MACROD1: variants seen among roughly 807,000 people sequenced by gnomAD.
MACROD1 encodes ADP-ribose glycohydrolase MACROD1.
In MACROD1, 31 loss-of-function variants were observed where a neutral mutation model predicts 41.4. That is an observed-to-expected ratio of 0.75 (90% CI 0.56 to 1.01). The LOEUF (loss-of-function observed/expected upper bound fraction) is 1.01, where lower values mean the gene tolerates loss of function less well. Among genes scored for constraint, MACROD1 ranks in the 50% least tolerant of loss-of-function variants. The pLI, the probability that MACROD1 is intolerant of heterozygous loss-of-function variation, is 0.00. For synonymous variants in MACROD1, 252 were observed against 203.4 expected, an observed-to-expected ratio of 1.24 and a Z score of -2.03; for missense variants, 473 against 460.0, an observed-to-expected ratio of 1.03 and a Z score of -0.26.
intron 4 of MACROD1, among the ~76,000 whole-genome samples, chr11:64,011,723 G>T (rs555658243): frequency 6.6e-6 from 1 of 151,200 alleles, no homozygotes; most frequent in South Asian, 2.1e-4. Context: ...AGGCAGGATG[G>T]CCCTTGTGCG....
intron 8 of MACROD1, 113 bp downstream of exon 8, chr11:63,999,214 GGGAA>G: frequency 6.4e-6 from 9 of 1,404,268 alleles, no homozygotes; most frequent in Non-Finnish European, 8.7e-6. Flanking sequence ...AGGAGAAACA[GGGAA>G]GGAAGGGGCG....
intron 3 of MACROD1, among the ~76,000 whole-genome samples, chr11:64,050,166 C>T (rs901633237): frequency 6.6e-6 from 1 of 152,130 alleles, no homozygotes; most frequent in Non-Finnish European, 1.5e-5. Context: ...CTGCCACTCC[C>T]ACCTCTCCCT....
At chr11:64,050,302 G>A (rs1002412995) in intron 3 of MACROD1, among the ~76,000 whole-genome samples, 1 of 152,084 alleles carries the variant, frequency 6.6e-6, no homozygotes, top group Non-Finnish European at 1.5e-5. Context: ...CAGCTACCAC[G>A]AGGCCCAGAG....
intron 3 of MACROD1, among the ~76,000 whole-genome samples, chr11:64,139,798 T>C (rs1945384898): frequency 1.3e-5 from 2 of 151,540 alleles, no homozygotes; most frequent in African/African-American, 4.9e-5. Flanking sequence ...CTACTAAAAA[T>C]ACAAAAAATT....
chr11:64,031,803 T>C (rs1943299317), intron 3 of MACROD1, among the ~76,000 whole-genome samples: 1 of 152,220 alleles, frequency 6.6e-6, no homozygotes, highest in African/African-American at 2.4e-5. Context: ...TGATGTGTGC[T>C]GGCCTGGTGT....
chr11:64,101,870 C>T (rs1944676864), intron 3 of MACROD1, among the ~76,000 whole-genome samples: 1 of 152,032 alleles, frequency 6.6e-6, no homozygotes, highest in African/African-American at 2.4e-5. Context: ...CAGCTTGTCC[C>T]AAGAAAACTC....
intron 3 of MACROD1, among the ~76,000 whole-genome samples, chr11:64,150,710 T>C (rs949375319): frequency 1.8e-4 from 28 of 152,042 alleles, no homozygotes; most frequent in Non-Finnish European, 3.4e-4. Flanking sequence ...CCGGCTCCCA[T>C]ACTCATCACA....
chr11:64,041,858 G>A (rs1943493538), intron 3 of MACROD1, among the ~76,000 whole-genome samples: 1 of 152,208 alleles, frequency 6.6e-6, no homozygotes. Flanking sequence ...AGAGGGTCAC[G>A]GGAGTTTCAC....
In MACROD1 at chr11:64,084,201, A is replaced by G. The variant is rs915627554; in HGVS notation, c.517+67038T>C. On this transcript the variant is annotated intron_variant, in intron 3 of 10. Coordinates refer to ENST00000255681, the MANE Select transcript of MACROD1 (RefSeq NM_014067.4). ...GAGGATGCTGCCTCCCCCTCCTCTC[A>G]GCCCCCTCCCAGGCCTGGGGCAAAG... Among the ~76,000 whole-genome samples, 22 of 152,028 alleles carry G rather than the reference A, an allele frequency of 1.4e-4. No individual in the cohort carries two copies. The South Asian group carries it at 4.0e-3, about 27-fold the overall frequency.
intron 3 of MACROD1, among the ~76,000 whole-genome samples, chr11:64,145,898 T>C (rs1190114042): frequency 6.6e-6 from 1 of 152,182 alleles, no homozygotes; most frequent in African/African-American, 2.4e-5. Flanking sequence ...GCCTCCTGAC[T>C]AGCTGGGACT....
intron 3 of MACROD1, among the ~76,000 whole-genome samples, chr11:64,053,536 C>T (rs1422576255): frequency 6.6e-6 from 1 of 152,096 alleles, no homozygotes; most frequent in Non-Finnish European, 1.5e-5. Context: ...TGGTCTGAGG[C>T]TGTAGGGACA....
At chr11:64,148,324 C>A (rs906135738) in intron 3 of MACROD1, among the ~76,000 whole-genome samples, 1 of 152,176 alleles carries the variant, frequency 6.6e-6, no homozygotes, top group African/African-American at 2.4e-5. Context: ...CACATCCCTG[C>A]AGCTGGACCC....
intron 3 of MACROD1, among the ~76,000 whole-genome samples, chr11:64,030,620 C>T (rs1943281729): frequency 6.6e-6 from 1 of 152,154 alleles, no homozygotes; most frequent in Non-Finnish European, 1.5e-5. Flanking sequence ...ATCAGCCACA[C>T]CCGGATCTTA....
At chr11:64,109,644 C>T (rs1944825084) in intron 3 of MACROD1, among the ~76,000 whole-genome samples, 1 of 152,184 alleles carries the variant, frequency 6.6e-6, no homozygotes, top group South Asian at 2.1e-4. Flanking sequence ...TCCCCGGACT[C>T]CTCCACCCTG....
intron 3 of MACROD1, among the ~76,000 whole-genome samples, chr11:64,148,484 C>T (rs966877894): frequency 2.6e-5 from 4 of 152,308 alleles, no homozygotes; most frequent in South Asian, 2.1e-4. Flanking sequence ...CACTGACGCC[C>T]GCGGGGCCAG....
At chr11:64,102,961 C>A (rs1437944637) in intron 3 of MACROD1, among the ~76,000 whole-genome samples, 1 of 152,020 alleles carries the variant, frequency 6.6e-6, no homozygotes, top group Non-Finnish European at 1.5e-5. Context: ...GTCCTAGCTC[C>A]TTGGGAGGCT....
chr11:64,128,556 A>T (rs539010312), intron 3 of MACROD1, among the ~76,000 whole-genome samples: 1 of 152,140 alleles, frequency 6.6e-6, no homozygotes, highest in East Asian at 1.9e-4. Context: ...CGCCCGCCTG[A>T]GGTAGACAGG....
chr11:64,069,889 G>T (rs1367936448), intron 3 of MACROD1, among the ~76,000 whole-genome samples: 1 of 152,144 alleles, frequency 6.6e-6, no homozygotes, highest in Non-Finnish European at 1.5e-5. Flanking sequence ...GATTTATCTT[G>T]GGCGCCCCTC....
At chr11:63,998,711 G>GTGTC in intron 10 of MACROD1, 24 bp from the exon 11 acceptor site, 2 of 1,395,268 alleles carry the variant, frequency 1.4e-6, no homozygotes, top group East Asian at 2.7e-5. Flanking sequence ...AGAGTCAGAG[G>GTGTC]TGTCTATGGG....
Sources: allele counts gnomAD v4.1 joint callset (sites outside exome capture counted in the v4.1 genomes callset), GRCh38; gene constraint gnomAD v4.1.1; transcripts MANE v1.5; gene names NCBI Gene and HGNC (gene_info 2026-07-23, HGNC 2026-07-21).